The following SFSWAP variants were observed in gnomAD, a reference collection of about 807,000 sequenced individuals.
The protein encoded by SFSWAP is splicing factor, suppressor of white-apricot homolog.
A neutral mutation model predicts 100.7 loss-of-function variants in SFSWAP; 17 were observed. The ratio of observed to expected loss-of-function variants is 0.17; its 90% confidence interval spans 0.12 to 0.25. The LOEUF (loss-of-function observed/expected upper bound fraction) is 0.25. Among genes scored for constraint, SFSWAP ranks in the 10% least tolerant of loss-of-function variants. The pLI, the probability that SFSWAP is intolerant of heterozygous loss-of-function variation, is 1.00. For synonymous variants in SFSWAP, 504 were observed against 510.1 expected (o/e 0.99, Z 0.16); for missense variants, 1,005 against 1,262.6 (o/e 0.80, Z 3.09).
chr12:131,774,742 A>G (rs1001738231), intron 13 of SFSWAP, among the ~76,000 whole-genome samples: 1 of 145,296 alleles, frequency 6.9e-6, no homozygotes, highest in Non-Finnish European at 1.6e-5. Context: ...CAACAGCTCT[A>G]GTTTTCACCT....
At position 131,750,813 on chromosome 12, in the gene SFSWAP, T is replaced by C. The variant is rs1881552217; in HGVS notation, c.1082-2310T>C. ...CTCAAGCCATCCTCCTGCCACAGCCTCCCAAGTAGCTGGGACTGTAGATGT... is the reference window on the plus strand; with the variant it reads ...CTCAAGCCATCCTCCTGCCACAGCCCCCCAAGTAGCTGGGACTGTAGATGT... On this transcript the variant is annotated intron_variant, in intron 7 of 17. Coordinates refer to ENST00000261674, the MANE Select transcript of SFSWAP (RefSeq NM_004592.4). Among the ~76,000 whole-genome samples the C allele has an allele frequency of 3.9e-5, 6 of 152,272 alleles. No homozygotes were observed. In the South Asian group the frequency reaches 1.2e-3, roughly 32 times the overall value.
At chr12:131,781,234 A>ATTTTTTT (rs66608201) in intron 14 of SFSWAP, among the ~76,000 whole-genome samples, 3 of 102,284 alleles carry the variant, frequency 2.9e-5, no homozygotes, top group African/African-American at 1.0e-4. Context: ...ATATCTTATT[A>ATTTTTTT]TTTTTTTTTT....
intron 14 of SFSWAP, among the ~76,000 whole-genome samples, chr12:131,780,591 G>A (rs185177723): frequency 1.0e-3 from 159 of 152,354 alleles, no homozygotes; most frequent in Non-Finnish European, 1.8e-3. Context: ...CTGAGCTCAG[G>A]AGTTTGAGGC....
chr12:131,796,659 CT>C (rs1885700115), intron 15 of SFSWAP: 1 of 152,632 alleles, frequency 6.6e-6, no homozygotes, highest in Admixed American at 6.5e-5. Flanking sequence ...GCTGCGCCCC[CT>C]AGTCTTAACT....
chr12:131,711,437 C>A lies in SFSWAP; in HGVS notation c.208C>A (p.Leu70Ile). 6.2e-7 allele frequency: 1 copy of A among 1,613,044 alleles called. No individual in the cohort carries two copies. The highest frequency in any genetic ancestry group is 8.5e-7 in the Non-Finnish European group (1 of 1,179,694). ...CCCCTGGATGGGGGACCACAAGATCCTCATCGACAGGTCGGTTCCTCTCCC... is the reference window on the plus strand; with the variant it reads ...CCCCTGGATGGGGGACCACAAGATCATCATCGACAGGTCGGTTCCTCTCCC... ...LIPWMGDHKI[L>I]IDRYDGRGHL... Residue 70 changes from leucine to isoleucine, a missense_variant, in exon 1 of 18, where the codon CTC (leucine) becomes ATC (isoleucine). Around this residue, in one of 7 missense-constraint regions of SFSWAP, gnomAD observed 237 missense variants for 337.0 expected, o/e 0.70. Transcript: ENST00000261674. The surrounding 1 kb of genome is among the most constrained non-coding windows in gnomAD (Gnocchi z 4.9).
Position 131,799,513 on chromosome 12 carries a change from G to A in SFSWAP, c.*25G>A, listed in dbSNP as rs754916406. ...AGACGGGGCCAGCGGAGGCAGAGCC[G>A]GGAGGCTGCGTGGGCTTCTGGGCAG... On this transcript the variant is annotated 3_prime_UTR_variant, in exon 18 of 18. Coordinates refer to ENST00000261674, the MANE Select transcript of SFSWAP (RefSeq NM_004592.4). 52 of 1,609,568 alleles carry A rather than the reference G, an allele frequency of 3.2e-5. No homozygotes were observed. The highest frequency in any genetic ancestry group is 4.1e-5 in the Non-Finnish European group (48 of 1,177,212).
At chr12:131,771,006 G>A (rs578256881) in intron 13 of SFSWAP, among the ~76,000 whole-genome samples, 4 of 152,152 alleles carry the variant, frequency 2.6e-5, no homozygotes, top group South Asian at 4.1e-4. Context: ...TGCAGCAGCC[G>A]CATTGGACCC....
intron 5 of SFSWAP, among the ~76,000 whole-genome samples, chr12:131,726,362 A>G (rs1001404659): frequency 1.3e-5 from 2 of 152,188 alleles, no homozygotes; most frequent in African/African-American, 4.8e-5. Context: ...GGCACGTGCC[A>G]CCACGCCCGG....
chr12:131,775,324 C>T (rs1883929472), intron 13 of SFSWAP, among the ~76,000 whole-genome samples: 1 of 152,184 alleles, frequency 6.6e-6, no homozygotes, highest in South Asian at 2.1e-4. Context: ...GGGGAAATCC[C>T]GGGCCTTGTT....
At chr12:131,727,538 G>A (rs555423261) in intron 6 of SFSWAP, among the ~76,000 whole-genome samples, 107 of 152,222 alleles carry the variant, frequency 7.0e-4, no homozygotes, top group African/African-American at 2.6e-3. Flanking sequence ...CCAGCTACTC[G>A]GGAGGCTGAG....
At chr12:131,743,796 C>T (rs2136211860) in intron 7 of SFSWAP, among the ~76,000 whole-genome samples, 1 of 152,372 alleles carries the variant, frequency 6.6e-6, no homozygotes, top group Middle Eastern at 3.4e-3. Flanking sequence ...TCGATGAGGG[C>T]CCTGCCCCTG....
intron 6 of SFSWAP, among the ~76,000 whole-genome samples, chr12:131,727,336 G>A (rs117366135): frequency 4.5e-4 from 69 of 152,326 alleles, no homozygotes; most frequent in South Asian, 1.0e-3. Flanking sequence ...CAAGTAGAGT[G>A]TTGGTTAAGA....
At chr12:131,787,138 G>A (rs886313246) in intron 15 of SFSWAP, among the ~76,000 whole-genome samples, 1 of 152,146 alleles carries the variant, frequency 6.6e-6, no homozygotes, top group African/African-American at 2.4e-5. Context: ...GGAGATGGAG[G>A]GAGGTTAGCA....
chr12:131,780,952 A>G (rs970841343), intron 14 of SFSWAP, among the ~76,000 whole-genome samples: 19 of 152,204 alleles, frequency 1.2e-4, no homozygotes, highest in African/African-American at 4.3e-4. Flanking sequence ...GTGATGTCTG[A>G]TATTTCCGGG....
intron 11 of SFSWAP, among the ~76,000 whole-genome samples, chr12:131,760,888 A>C: frequency 6.6e-6 from 1 of 152,178 alleles, no homozygotes; most frequent in East Asian, 1.9e-4. Flanking sequence ...CCTGGTCAAC[A>C]TGGTGAAACC....
In SFSWAP at chr12:131,733,196, G is replaced by A. The variant is rs886434595; in HGVS notation, c.1081+4768G>A. On this transcript the variant is annotated intron_variant, in intron 7 of 17. Transcript: ENST00000261674. This position sits in a 1 kb window ranked among gnomAD's most constrained non-coding sequence, Gnocchi z 5.1. Reference sequence around the variant, plus strand: ...TGTATGAGAGCGGGCGGGGGATGGCGCGGTCTCCCTGGTACTTACTGGGCA... The same window carrying A: ...TGTATGAGAGCGGGCGGGGGATGGCACGGTCTCCCTGGTACTTACTGGGCA... Among the ~76,000 whole-genome samples, 24 of 152,158 alleles carry A rather than the reference G, an allele frequency of 1.6e-4. No homozygotes were observed. Among genetic ancestry groups the A allele is most frequent in the African/African-American group, 4.1e-4 (17 of 41,442 alleles).
chr12:131,792,545 C>T (rs1002510345), intron 15 of SFSWAP, among the ~76,000 whole-genome samples: 7 of 150,282 alleles, frequency 4.7e-5, no homozygotes, highest in Non-Finnish European at 1.0e-4. Context: ...ACTGTGTGTG[C>T]GCCCGTGTGT....
At chr12:131,749,869 C>T (rs1341760289) in intron 7 of SFSWAP, among the ~76,000 whole-genome samples, 1 of 152,234 alleles carries the variant, frequency 6.6e-6, no homozygotes, top group Non-Finnish European at 1.5e-5. Flanking sequence ...GCGTTGTTTA[C>T]AGGGTCCCCA....
At chr12:131,740,367 T>C (rs1415539159) in intron 7 of SFSWAP, among the ~76,000 whole-genome samples, 1 of 150,914 alleles carries the variant, frequency 6.6e-6, no homozygotes, top group Non-Finnish European at 1.5e-5. Context: ...CTTCCCTACC[T>C]GCCCTGGGAG....
Sources: allele counts gnomAD v4.1 joint callset (sites outside exome capture counted in the v4.1 genomes callset), GRCh38; gene constraint gnomAD v4.1.1; regional missense constraint gnomAD v4.1.1; non-coding constraint Gnocchi (gnomAD v3.1); transcripts MANE v1.5; gene names NCBI Gene and HGNC (gene_info 2026-07-23, HGNC 2026-07-21).